Variants in SLC9A9 observed in about 807,000 individuals in gnomAD.
SLC9A9 encodes the protein solute carrier family 9 member A9.
In SLC9A9, 62 loss-of-function variants were observed where a neutral mutation model predicts 77.8. That is an observed-to-expected ratio of 0.80 (90% confidence interval 0.65 to 0.98). SLC9A9 has a LOEUF of 0.98. Among genes scored for constraint, SLC9A9 ranks in the 50% least tolerant of loss-of-function variants. The pLI, the probability that SLC9A9 is intolerant of heterozygous loss-of-function variation, is 0.00. For missense variants in SLC9A9, 775 were observed against 774.9 expected (o/e 1.00, Z 0.00); for synonymous variants, 320 against 283.5 (o/e 1.13, Z -1.29).
intron 11 of SLC9A9, among the ~76,000 whole-genome samples, chr3:143,489,156 A>C (rs2035700847): frequency 6.6e-6 from 1 of 152,000 alleles, no homozygotes; most frequent in South Asian, 2.1e-4. Context: ...AAAATATTAA[A>C]ATACTTAGGA....
intron 14 of SLC9A9, among the ~76,000 whole-genome samples, chr3:143,309,811 C>T (rs1345514811): frequency 6.6e-6 from 1 of 152,052 alleles, no homozygotes; most frequent in Admixed American, 6.6e-5. Context: ...CATGGGGCAT[C>T]TGGTTATGTG....
At chr3:143,280,828 C>T (rs1193170449) in intron 14 of SLC9A9, among the ~76,000 whole-genome samples, 1 of 152,172 alleles carries the variant, frequency 6.6e-6, no homozygotes, top group African/African-American at 2.4e-5. Flanking sequence ...GCTAGAATTA[C>T]AGGCATGAGC....
intron 6 of SLC9A9, among the ~76,000 whole-genome samples, chr3:143,606,432 C>CTATATATATATATATATATA (rs1287074508): frequency 6.8e-5 from 4 of 58,712 alleles, no homozygotes; most frequent in Non-Finnish European, 1.3e-4. Flanking sequence ...CTCTCTCTCT[C>CTATATATATATATATATATA]TCTCTATATA....
intron 12 of SLC9A9, among the ~76,000 whole-genome samples, chr3:143,394,962 T>G (rs2033688741): frequency 6.6e-6 from 1 of 152,184 alleles, no homozygotes; most frequent in Admixed American, 6.5e-5. Flanking sequence ...TACAAACAAA[T>G]GGGAGAACAT....
chr3:143,600,522 A>G (rs2037829916), intron 6 of SLC9A9, among the ~76,000 whole-genome samples: 1 of 152,238 alleles, frequency 6.6e-6, no homozygotes, highest in Non-Finnish European at 1.5e-5. Context: ...TAATATTAAC[A>G]CATGGGTAAG....
chr3:143,565,607 A>G (rs1198383269), intron 8 of SLC9A9, among the ~76,000 whole-genome samples: 1 of 152,122 alleles, frequency 6.6e-6, no homozygotes, highest in Non-Finnish European at 1.5e-5. Flanking sequence ...AGATGGCATC[A>G]TTGCATGTTT....
intron 14 of SLC9A9, among the ~76,000 whole-genome samples, chr3:143,325,514 A>G (rs79242980): frequency 0.088 from 13,374 of 152,226 alleles, 789 homozygotes; most frequent in African/African-American, 0.17. Flanking sequence ...TCTGTCTCTG[A>G]CTGCATGCTT....
At chr3:143,292,601 C>A (rs567025273) in intron 14 of SLC9A9, among the ~76,000 whole-genome samples, 1 of 152,096 alleles carries the variant, frequency 6.6e-6, no homozygotes, top group Non-Finnish European at 1.5e-5. Context: ...AGCTATAAAA[C>A]GAGGTGTGTG....
At chr3:143,285,963 A>T (rs1578262547) in intron 14 of SLC9A9, among the ~76,000 whole-genome samples, 1 of 152,090 alleles carries the variant, frequency 6.6e-6, no homozygotes. Flanking sequence ...GCATTTTAGT[A>T]ATTAGAATAC....
intron 4 of SLC9A9, among the ~76,000 whole-genome samples, chr3:143,733,939 A>G (rs1474110042): frequency 1.3e-5 from 2 of 152,136 alleles, no homozygotes; most frequent in Non-Finnish European, 2.9e-5. Flanking sequence ...GCTAATACCT[A>G]TAATCCCAGC....
At chr3:143,435,614 C>T (rs752689994) in intron 12 of SLC9A9, among the ~76,000 whole-genome samples, 2 of 152,138 alleles carry the variant, frequency 1.3e-5, no homozygotes, top group African/African-American at 2.4e-5. Flanking sequence ...TTGCCTGACA[C>T]GTTAGACTTT....
At chr3:143,553,823 G>A (rs71307942) in intron 8 of SLC9A9, among the ~76,000 whole-genome samples, 17,026 of 152,180 alleles carry the variant, frequency 0.11, 1,172 homozygotes, top group East Asian at 0.15. Flanking sequence ...CAGTTTCTTA[G>A]CATCTCTTCA....
chr3:143,684,221 A>G (rs1420320574), intron 5 of SLC9A9, among the ~76,000 whole-genome samples: 1 of 151,940 alleles, frequency 6.6e-6, no homozygotes, highest in East Asian at 1.9e-4. Flanking sequence ...GGCCTTTTAT[A>G]TTGTGAAGCA....
chr3:143,402,817 T>C (rs1446144758), intron 12 of SLC9A9, among the ~76,000 whole-genome samples: 1 of 150,446 alleles, frequency 6.6e-6, no homozygotes, highest in African/African-American at 2.4e-5. Context: ...TTACATTGTT[T>C]AGTTCATTCA....
intron 9 of SLC9A9, among the ~76,000 whole-genome samples, chr3:143,505,271 G>A (rs888296190): frequency 6.6e-6 from 1 of 152,080 alleles, no homozygotes; most frequent in African/African-American, 2.4e-5. Flanking sequence ...TGTATTTGAA[G>A]TTTTAAGACA....
At chr3:143,436,706 G>T (rs1453440060) in intron 12 of SLC9A9, among the ~76,000 whole-genome samples, 1 of 152,194 alleles carries the variant, frequency 6.6e-6, no homozygotes, top group African/African-American at 2.4e-5. Flanking sequence ...ATTCTGGCTG[G>T]CCAGCTCCAA....
intron 12 of SLC9A9, among the ~76,000 whole-genome samples, chr3:143,392,837 T>C (rs1188713786): frequency 6.6e-6 from 1 of 151,810 alleles, no homozygotes; most frequent in African/African-American, 2.4e-5. Flanking sequence ...CCAACAAAGA[T>C]CAAAAGAGAC....
chr3:143,452,763 G>A (rs2035030714), intron 12 of SLC9A9, among the ~76,000 whole-genome samples: 1 of 151,744 alleles, frequency 6.6e-6, no homozygotes, highest in Non-Finnish European at 1.5e-5. Flanking sequence ...CGGTACTTTG[G>A]TTATCTAAGA....
intron 4 of SLC9A9, among the ~76,000 whole-genome samples, chr3:143,732,682 G>A (rs992515129): frequency 4.6e-5 from 7 of 151,092 alleles, no homozygotes; most frequent in African/African-American, 1.7e-4. Flanking sequence ...CTTCAGTAGA[G>A]TCCATCTAAA....
Sources: allele counts gnomAD v4.1 joint callset (sites outside exome capture counted in the v4.1 genomes callset), GRCh38; gene constraint gnomAD v4.1.1; transcripts MANE v1.5; gene names NCBI Gene and HGNC (gene_info 2026-07-23, HGNC 2026-07-21).